The following ZNF790 variants were observed in gnomAD, a reference collection of about 807,000 sequenced individuals.
ZNF790 encodes zinc finger protein 790.
In ZNF790, 8 loss-of-function variants were observed where a neutral mutation model predicts 12.1. The ratio of observed to expected loss-of-function variants is 0.66; its 90% CI spans 0.39 to 1.19. The LOEUF (loss-of-function observed/expected upper bound fraction) is 1.19, where lower values mean the gene tolerates loss of function less well. Among genes scored for constraint, ZNF790 ranks in the 50% most tolerant of loss-of-function variants. The pLI is 0.01. For synonymous variants in ZNF790, 252 were observed against 244.3 expected (o/e 1.03, Z -0.29); for missense variants, 707 against 752.2 (o/e 0.94, Z 0.70).
chr19:36,832,143 G>A (rs1148401), intron 1 of ZNF790, among the ~76,000 whole-genome samples: 1 of 151,980 alleles, frequency 6.6e-6, no homozygotes, highest in South Asian at 2.1e-4. Context: ...GACATGCGCT[G>A]TTTCAGAAGA....
At chr19:36,847,722 C>T (rs1324705704) in intron 1 of ZNF790, among the ~76,000 whole-genome samples, 1 of 149,724 alleles carries the variant, frequency 6.7e-6, no homozygotes, top group African/African-American at 2.5e-5. Context: ...TACACTCCAG[C>T]CTGGGCGACA....
At chr19:36,824,631 A>T (rs2071757870) in intron 2 of ZNF790, among the ~76,000 whole-genome samples, 1 of 152,176 alleles carries the variant, frequency 6.6e-6, no homozygotes, top group Non-Finnish European at 1.5e-5. Flanking sequence ...CATCTTTATG[A>T]TCTTCAAATC....
At chr19:36,848,202 A>G (rs1408510267) in intron 1 of ZNF790, among the ~76,000 whole-genome samples, 7 of 152,210 alleles carry the variant, frequency 4.6e-5, no homozygotes, top group Non-Finnish European at 8.8e-5. Context: ...AGGTGAAGTT[A>G]GTAAAGCCCC....
At chr19:36,836,600 T>C (rs866267320) in intron 1 of ZNF790, among the ~76,000 whole-genome samples, 1 of 151,868 alleles carries the variant, frequency 6.6e-6, no homozygotes, top group African/African-American at 2.4e-5. Context: ...CTACTAAAAA[T>C]AGAAAAGTTA....
At chr19:36,835,842 G>A (rs1417976173) in intron 1 of ZNF790, among the ~76,000 whole-genome samples, 5 of 151,088 alleles carry the variant, frequency 3.3e-5, no homozygotes, top group Non-Finnish European at 7.4e-5. Context: ...ATTCTTCTGC[G>A]GTCACATCTC....
intron 1 of ZNF790, among the ~76,000 whole-genome samples, chr19:36,849,758 G>A (rs767689360): frequency 3.3e-5 from 5 of 151,726 alleles, no homozygotes; most frequent in Non-Finnish European, 7.4e-5. Context: ...CCCACATTCA[G>A]GTGATTACAC....
Position 36,822,647 on chromosome 19 carries a change from TCTC to T in ZNF790, c.229+635_229+637del, listed in dbSNP as rs1386458878. 2.0e-5 allele frequency among the ~76,000 whole-genome samples: 3 copies of T among 152,128 alleles called. No homozygotes were observed. In the East Asian group the frequency reaches 5.8e-4, roughly 29 times the overall value. On this transcript the variant is annotated intron_variant, in intron 4 of 4. Transcript: ENST00000356725. ...CTTCTGCCTCCAAGGTTCAAGCAAT[TCTC>T]CTGCCTCAGCCTCCCGAGTAGCTGG...
upstream of ZNF790, among the ~76,000 whole-genome samples, chr19:36,838,826 A>G (rs1230396336): frequency 6.6e-6 from 1 of 152,222 alleles, no homozygotes; most frequent in Non-Finnish European, 1.5e-5. This position sits in a 1 kb window ranked among gnomAD's most constrained non-coding sequence, Gnocchi z 4.4. Context: ...CCTATGTGGC[A>G]TGGCGGGAAA....
chr19:36,841,960 C>T (rs926001074), upstream of ZNF790, among the ~76,000 whole-genome samples: 1 of 152,076 alleles, frequency 6.6e-6, no homozygotes. Context: ...GCGCCCCTCC[C>T]GCCTCTGCCT....
intron 2 of ZNF790, among the ~76,000 whole-genome samples, chr19:36,825,323 G>A (rs2071773844): frequency 6.6e-6 from 1 of 152,158 alleles, no homozygotes. Context: ...TAAGCCACAG[G>A]TTTGAAATGA....
intron 1 of ZNF790, among the ~76,000 whole-genome samples, chr19:36,830,848 TAA>T (rs902107501): frequency 1.4e-4 from 21 of 152,184 alleles, no homozygotes; most frequent in African/African-American, 4.8e-4. Flanking sequence ...GATAGTTAGA[TAA>T]AAGTTTTAGG....
chr19:36,827,135 CACACACATAT>C (rs2071830776), intron 1 of ZNF790, among the ~76,000 whole-genome samples: 1 of 72,930 alleles, frequency 1.4e-5, no homozygotes, highest in African/African-American at 6.4e-5. Flanking sequence ...CACACACACA[CACACACATAT>C]ATATATATAT....
intron 1 of ZNF790, among the ~76,000 whole-genome samples, chr19:36,835,998 C>T (rs1351350528): frequency 6.6e-6 from 1 of 151,998 alleles, no homozygotes; most frequent in Non-Finnish European, 1.5e-5. Context: ...AAAGTAGCAT[C>T]GTCCTAGTTT....
rs529962462 is a variant in ZNF790, at chr19:36,823,868, A to G, written c.10-78T>C. Reference sequence around the variant, plus strand: ...ATAATCCCTATAGATGAAAGGGGAAAGGCTGGAAAGGGGCACTGCAGGGAG... The same window carrying G: ...ATAATCCCTATAGATGAAAGGGGAAGGGCTGGAAAGGGGCACTGCAGGGAG... On this transcript the variant is annotated intron_variant, in intron 2 of 4. Coordinates refer to ENST00000356725, the MANE Select transcript of ZNF790 (RefSeq NM_206894.4). 144 of 1,369,374 alleles carry G rather than the reference A, an allele frequency of 1.1e-4. 1 individual carries two copies. In the Middle Eastern group the frequency reaches 1.2e-3, roughly 12 times the overall value. The allele number at this position is 1,369,374 out of a possible 1,614,324, so 84.8% of individuals were successfully genotyped here. A position where few individuals can be genotyped will look rare whatever the true frequency, so the allele number is the denominator to read the frequency against.
rs184056859 is a variant in ZNF790 at position 36,848,458 on chromosome 19, T to C, written c.-74+1544A>G. Among the ~76,000 whole-genome samples the C allele has an allele frequency of 5.1e-3, 771 of 151,726 alleles. 9 individuals carry two copies. The highest frequency in any genetic ancestry group is 6.3e-3 in the Non-Finnish European group (431 of 67,936). ...TTTTCTGTTTTTTAGGAGACATTGG[T>C]GGGGTAAACATACAAAAATGTGATT... On this transcript the variant is annotated intron_variant, in intron 1 of 4. Transcript: ENST00000528994.
At chr19:36,820,910 T>TC (rs2071654579) in intron 4 of ZNF790, among the ~76,000 whole-genome samples, 1 of 150,524 alleles carries the variant, frequency 6.6e-6, no homozygotes, top group Non-Finnish European at 1.5e-5. Context: ...TTTTTTTTTT[T>TC]TTAATACTTT....
At position 36,817,743 on chromosome 19, in the gene ZNF790, T is replaced by C. The variant is rs1181088455; in HGVS notation, c.*690A>G. On this transcript the variant is annotated 3_prime_UTR_variant, in exon 5 of 5. Transcript: ENST00000356725. ...TGACATAGTTCAAGGCTTTTCTAGA[T>C]TAATTACATGATTTTTGTGGAAATA... The C allele has an allele frequency of 6.6e-6, 1 of 152,140 alleles. No homozygotes were observed. The highest frequency in any genetic ancestry group is 2.4e-5 in the African/African-American group (1 of 41,426). The allele number at this position is 152,140 out of a possible 1,614,324, so 9.4% of individuals were successfully genotyped here.
chr19:36,820,170 A>G (rs2071636984), intron 4 of ZNF790, 56 bp from the exon 5 acceptor site: 3 of 1,514,456 alleles, frequency 2.0e-6, no homozygotes, highest in East Asian at 2.3e-5. Context: ...AAGCAATACA[A>G]CTTCTAAAAT....
At chr19:36,823,024 T>C (rs1330143925) in intron 4 of ZNF790, among the ~76,000 whole-genome samples, 1 of 151,948 alleles carries the variant, frequency 6.6e-6, no homozygotes, top group Non-Finnish European at 1.5e-5. Flanking sequence ...TAATTTTTTG[T>C]ATTTTTTTGT....
Sources: gnomAD v4.1 joint callset for allele counts (sites outside exome capture counted in the v4.1 genomes callset) on GRCh38, gnomAD v4.1.1 for gene constraint, Gnocchi (gnomAD v3.1) non-coding constraint, MANE v1.5 for transcripts, NCBI Gene and HGNC (gene_info 2026-07-23, HGNC 2026-07-21) for gene names.